The following ADAMTS3 variants were observed in gnomAD, a reference collection of about 807,000 sequenced individuals.
ADAMTS3 encodes A disintegrin and metalloproteinase with thrombospondin motifs 3.
A neutral mutation model predicts 129.0 loss-of-function variants in ADAMTS3; 73 were observed. The observed-to-expected ratio is 0.57, with a 90% CI of 0.47 to 0.69. The LOEUF (loss-of-function observed/expected upper bound fraction) is 0.69, where lower values mean the gene tolerates loss of function less well. Ranked by LOEUF, ADAMTS3 falls within the 30% of genes least tolerant of loss-of-function variation. The probability of loss-of-function intolerance (pLI) is 0.00; values close to 1 mark genes in which losing one functional copy is unlikely to be tolerated. For synonymous variants in ADAMTS3, 477 were observed against 510.8 expected, an observed-to-expected ratio of 0.93 and a Z score of 0.89; for missense variants, 1,457 against 1,514.5, an observed-to-expected ratio of 0.96 and a Z score of 0.63.
At chr4:72,444,509 G>A (rs755090834) in intron 3 of ADAMTS3, among the ~76,000 whole-genome samples, 2 of 151,720 alleles carry the variant, frequency 1.3e-5, no homozygotes, top group Non-Finnish European at 1.5e-5. Context: ...TTTAAATCCA[G>A]GGATTTATGT....
rs544143068 is a variant in ADAMTS3, at chr4:72,518,347, T to C, written c.504+30131A>G. On this transcript the variant is annotated intron_variant, in intron 3 of 21. Transcript: ENST00000286657. Reference sequence around the variant, plus strand: ...GGGTGGAGAGTTCTGTAGATGTCTATTAGGTACACTTGGTGCAGAGCTGAG... The same window carrying C: ...GGGTGGAGAGTTCTGTAGATGTCTACTAGGTACACTTGGTGCAGAGCTGAG... 2.8e-4 allele frequency among the ~76,000 whole-genome samples: 42 copies of C among 152,324 alleles called. 1 individual carries two copies. The highest frequency in any genetic ancestry group is 2.7e-3 in the South Asian group (13 of 4,828).
At chr4:72,472,811 T>C (rs1163625035) in intron 3 of ADAMTS3, among the ~76,000 whole-genome samples, 2 of 152,172 alleles carry the variant, frequency 1.3e-5, no homozygotes, top group Non-Finnish European at 2.9e-5. Flanking sequence ...TTGACAATTG[T>C]AGAATGGCTT....
chr4:72,292,164 A>T (rs1718688699), intron 19 of ADAMTS3, among the ~76,000 whole-genome samples: 1 of 152,184 alleles, frequency 6.6e-6, no homozygotes, highest in Admixed American at 6.5e-5. Context: ...TTCTTTACAT[A>T]ACCTTCTGTT....
intron 3 of ADAMTS3, among the ~76,000 whole-genome samples, chr4:72,472,950 G>A (rs1224026560): frequency 6.6e-6 from 1 of 151,570 alleles, no homozygotes. Flanking sequence ...TCTAAAAGTT[G>A]GCATAAAATA....
chr4:72,458,747 A>G (rs910000268), intron 3 of ADAMTS3, among the ~76,000 whole-genome samples: 1 of 151,592 alleles, frequency 6.6e-6, no homozygotes, highest in Admixed American at 6.6e-5. Flanking sequence ...TCTAAGGTAA[A>G]TAATAATCAT....
intron 4 of ADAMTS3, among the ~76,000 whole-genome samples, chr4:72,413,842 A>T (rs1722239998): frequency 6.6e-6 from 1 of 151,930 alleles, no homozygotes; most frequent in Non-Finnish European, 1.5e-5. Flanking sequence ...TTATTAATAT[A>T]GTCCTGTTGT....
intron 6 of ADAMTS3, among the ~76,000 whole-genome samples, chr4:72,322,520 T>C (rs1316336151): frequency 6.6e-6 from 1 of 152,204 alleles, no homozygotes; most frequent in East Asian, 1.9e-4. Flanking sequence ...CACCTTCCTC[T>C]TAAGTGGAAA....
intron 3 of ADAMTS3, among the ~76,000 whole-genome samples, chr4:72,543,922 T>C (rs913079941): frequency 2.6e-5 from 4 of 152,130 alleles, no homozygotes; most frequent in South Asian, 4.1e-4. Context: ...AAGTAGGCTA[T>C]TACAATCTAG....
chr4:72,287,053 G>T (rs1412627460), intron 21 of ADAMTS3, among the ~76,000 whole-genome samples: 4 of 152,082 alleles, frequency 2.6e-5, no homozygotes, highest in Non-Finnish European at 1.5e-5. Flanking sequence ...CTAACAGGGT[G>T]GGGACTTTGG....
chr4:72,420,699 A>G (rs1722421974), intron 3 of ADAMTS3, among the ~76,000 whole-genome samples: 1 of 152,220 alleles, frequency 6.6e-6, no homozygotes, highest in South Asian at 2.1e-4. Context: ...TAAACTAGAC[A>G]CTCAATAAAT....
At chr4:72,404,257 G>A (rs1266088483) in intron 4 of ADAMTS3, among the ~76,000 whole-genome samples, 7 of 151,864 alleles carry the variant, frequency 4.6e-5, no homozygotes, top group Admixed American at 4.6e-4. Flanking sequence ...TCATACTATG[G>A]GACTTCAAAA....
intron 3 of ADAMTS3, among the ~76,000 whole-genome samples, chr4:72,426,494 A>G (rs1436806852): frequency 1.3e-5 from 2 of 152,172 alleles, no homozygotes; most frequent in Admixed American, 1.3e-4. Flanking sequence ...TCATCTTGGC[A>G]GAAGACATAT....
At chr4:72,384,599 T>A (rs559851279) in intron 4 of ADAMTS3, among the ~76,000 whole-genome samples, 8 of 152,210 alleles carry the variant, frequency 5.3e-5, no homozygotes, top group African/African-American at 1.7e-4. Flanking sequence ...AAAAGGTAGA[T>A]CACATAAAAA....
chr4:72,324,083 A>G (rs558217588), intron 5 of ADAMTS3, among the ~76,000 whole-genome samples: 114 of 152,288 alleles, frequency 7.5e-4, no homozygotes, highest in Non-Finnish European at 1.4e-3. Context: ...ACACTTGTTA[A>G]AAAGACTAAA....
At chr4:72,344,832 A>G (rs1328984538) in intron 4 of ADAMTS3, among the ~76,000 whole-genome samples, 4 of 152,132 alleles carry the variant, frequency 2.6e-5, no homozygotes, top group African/African-American at 9.7e-5. Context: ...GTGACTCCCC[A>G]GTGACTGTAG....
At chr4:72,556,046 G>A (rs1206823674) in intron 2 of ADAMTS3, among the ~76,000 whole-genome samples, 1 of 151,550 alleles carries the variant, frequency 6.6e-6, no homozygotes, top group Non-Finnish European at 1.5e-5. Context: ...TTACATCAAT[G>A]GCAAAACCCG....
rs1386618525 is a variant in ADAMTS3 at position 72,347,734 on chromosome 4, C to T, written c.662-8041G>A. Among the ~76,000 whole-genome samples, 3 of 151,802 alleles carry T rather than the reference C, an allele frequency of 2.0e-5. No homozygotes were observed. The East Asian group carries it at 5.8e-4, about 29-fold the overall frequency. On this transcript the variant is annotated intron_variant, in intron 4 of 21. Transcript: ENST00000286657. ...TTATGGCTTTTGTAGTTCAGCTCTA[C>T]TAAATCAAGGAGGTAATAGAAGAGT...
chr4:72,370,526 C>T (rs113209890), intron 4 of ADAMTS3, among the ~76,000 whole-genome samples: 9,695 of 152,120 alleles, frequency 0.064, 406 homozygotes, highest in Non-Finnish European at 0.1. Context: ...TTTCCCCTCA[C>T]GCATTTCCCG....
At chr4:72,481,610 G>A (rs1719439057) in intron 3 of ADAMTS3, among the ~76,000 whole-genome samples, 1 of 151,912 alleles carries the variant, frequency 6.6e-6, no homozygotes, top group Non-Finnish European at 1.5e-5. Flanking sequence ...AAAAACATAG[G>A]AGAAAAATCT....
Sources: allele counts gnomAD v4.1 joint callset (sites outside exome capture counted in the v4.1 genomes callset), GRCh38; gene constraint gnomAD v4.1.1; transcripts MANE v1.5; gene names NCBI Gene and HGNC (gene_info 2026-07-23, HGNC 2026-07-21).